The following SAMD12 variants were observed in gnomAD, a reference collection of about 807,000 sequenced individuals.
The protein encoded by SAMD12 is sterile alpha motif domain-containing protein 12.
A neutral mutation model predicts 15.0 loss-of-function variants in SAMD12; 9 were observed. That is an observed-to-expected ratio of 0.60 (90% confidence interval 0.36 to 1.05). SAMD12 has a LOEUF of 1.05. Among genes scored for constraint, SAMD12 ranks in the 50% least tolerant of loss-of-function variants. The pLI is 0.01. For synonymous variants in SAMD12, 86 were observed against 90.1 expected, an observed-to-expected ratio of 0.96 and a Z score of 0.25; for missense variants, 230 against 234.2, an observed-to-expected ratio of 0.98 and a Z score of 0.12.
intron 4 of SAMD12, among the ~76,000 whole-genome samples, chr8:118,254,459 T>A (rs1197063991): frequency 6.6e-6 from 1 of 152,098 alleles, no homozygotes; most frequent in East Asian, 1.9e-4. Flanking sequence ...CTGGAAGTGA[T>A]CTTAAGTCAT....
At chr8:118,226,680 A>G (rs1377308896) in intron 4 of SAMD12, among the ~76,000 whole-genome samples, 1 of 152,188 alleles carries the variant, frequency 6.6e-6, no homozygotes, top group African/African-American at 2.4e-5. Context: ...AGTAATAATG[A>G]GGAGGTAGTA....
At chr8:118,604,247 T>C (rs780421583) in intron 1 of SAMD12, among the ~76,000 whole-genome samples, 3 of 152,214 alleles carry the variant, frequency 2.0e-5, no homozygotes, top group Non-Finnish European at 2.9e-5. Context: ...CAATACTTGG[T>C]ATACAAGTAA....
intron 4 of SAMD12, among the ~76,000 whole-genome samples, chr8:118,204,733 G>T (rs1006031492): frequency 1.3e-5 from 2 of 151,914 alleles, no homozygotes; most frequent in East Asian, 3.9e-4. Flanking sequence ...CAGCCTAGGC[G>T]ACAGAGCGAG....
chr8:118,527,691 G>GT (rs1406199781), intron 2 of SAMD12, among the ~76,000 whole-genome samples: 1 of 152,080 alleles, frequency 6.6e-6, no homozygotes, highest in Non-Finnish European at 1.5e-5. Flanking sequence ...TTCTGGGTTT[G>GT]TTTTTTGTTT....
exon 5 of SAMD12, chr8:118,197,224 C>T (rs916571526): frequency 2.4e-5 from 4 of 167,526 alleles, no homozygotes; most frequent in African/African-American, 9.6e-5. Context: ...GACATCATAA[C>T]TAACATAATC....
chr8:118,244,488 T>C (rs28370849), intron 4 of SAMD12, among the ~76,000 whole-genome samples: 3,480 of 152,258 alleles, frequency 0.023, 136 homozygotes, highest in African/African-American at 0.08. Context: ...TTGGCTTTTT[T>C]AATCACTGGG....
chr8:118,353,507 A>G (rs1399589150), intron 4 of SAMD12, among the ~76,000 whole-genome samples: 2 of 152,042 alleles, frequency 1.3e-5, no homozygotes, highest in Non-Finnish European at 2.9e-5. Context: ...ACTGTCTACA[A>G]ATGAGGAAGA....
At chr8:118,218,817 G>A (rs1324153399) in intron 4 of SAMD12, among the ~76,000 whole-genome samples, 2 of 151,992 alleles carry the variant, frequency 1.3e-5, no homozygotes, top group African/African-American at 4.8e-5. Context: ...CCCACACTTT[G>A]AATAGTGTTC....
At chr8:118,449,215 A>G (rs978650850) in intron 2 of SAMD12, among the ~76,000 whole-genome samples, 8 of 151,988 alleles carry the variant, frequency 5.3e-5, no homozygotes, top group African/African-American at 1.9e-4. Flanking sequence ...GGTGCCCACA[A>G]CCATGCTCAG....
At chr8:118,540,974 T>C (rs1296447738) in intron 2 of SAMD12, among the ~76,000 whole-genome samples, 2 of 152,160 alleles carry the variant, frequency 1.3e-5, no homozygotes, top group African/African-American at 4.8e-5. Context: ...GATGAAATGA[T>C]GCTGGGAGAG....
intron 1 of SAMD12, among the ~76,000 whole-genome samples, chr8:118,612,726 G>A (rs774871097): frequency 2.6e-5 from 4 of 152,198 alleles, no homozygotes; most frequent in Non-Finnish European, 5.9e-5. Context: ...ATTTACACAA[G>A]AGAAATAAAT....
At chr8:118,618,044 A>T (rs937236778) in intron 1 of SAMD12, among the ~76,000 whole-genome samples, 21 of 136,822 alleles carry the variant, frequency 1.5e-4, no homozygotes, top group Middle Eastern at 7.2e-3. Context: ...TTTTTTTTTA[A>T]AAAAAGGCAA....
chr8:118,571,740 C>T (rs1210372917), intron 2 of SAMD12, among the ~76,000 whole-genome samples: 1 of 152,162 alleles, frequency 6.6e-6, no homozygotes, highest in Non-Finnish European at 1.5e-5. Flanking sequence ...GAATTGGGGT[C>T]TGAGAACCTA....
intron 2 of SAMD12, among the ~76,000 whole-genome samples, chr8:118,451,116 AACTCATCC>A (rs1823069210): frequency 6.6e-6 from 1 of 152,234 alleles, no homozygotes; most frequent in African/African-American, 2.4e-5. Flanking sequence ...AAGGTAAAGT[AACTCATCC>A]AAGGTCACAC....
intron 2 of SAMD12, among the ~76,000 whole-genome samples, chr8:118,544,054 A>G (rs531677097): frequency 2.0e-5 from 3 of 152,128 alleles, no homozygotes; most frequent in Admixed American, 2.0e-4. Context: ...TCTGTTCCCA[A>G]TCCACCCTAC....
chr8:118,516,542 T>A (rs1340726393), intron 2 of SAMD12, among the ~76,000 whole-genome samples: 1 of 152,218 alleles, frequency 6.6e-6, no homozygotes, highest in Non-Finnish European at 1.5e-5. Context: ...TTTCTTAGAC[T>A]GTAAATGTTG....
intron 4 of SAMD12, chr8:118,239,843 C>T (rs997581584): frequency 1.3e-5 from 2 of 152,124 alleles, no homozygotes; most frequent in Non-Finnish European, 1.5e-5. Context: ...TCTTCATCTT[C>T]TCCACCCTAT....
intron 1 of SAMD12, among the ~76,000 whole-genome samples, chr8:118,615,265 A>G (rs768104178): frequency 6.6e-6 from 1 of 152,272 alleles, no homozygotes; most frequent in Non-Finnish European, 1.5e-5. Flanking sequence ...TCGTTAGGCT[A>G]TCCCCACCCA....
At chr8:118,491,446 A>T (rs1281867250) in intron 2 of SAMD12, among the ~76,000 whole-genome samples, 2 of 152,122 alleles carry the variant, frequency 1.3e-5, no homozygotes, top group African/African-American at 4.8e-5. Context: ...TTTATTCATC[A>T]TTGCATTCTT....
Sources: allele counts gnomAD v4.1 joint callset (sites outside exome capture counted in the v4.1 genomes callset), GRCh38; gene constraint gnomAD v4.1.1; transcripts MANE v1.5; gene names NCBI Gene and HGNC (gene_info 2026-07-23, HGNC 2026-07-21).